The following RRAS2 variants were observed in gnomAD, a reference collection of about 807,000 sequenced individuals.
RRAS2 encodes RAS related 2.
A neutral mutation model predicts 27.6 loss-of-function variants in RRAS2; 7 were observed. That is an observed-to-expected ratio of 0.25 (90% CI 0.14 to 0.48). The LOEUF (loss-of-function observed/expected upper bound fraction) is 0.48. Ranked by LOEUF, RRAS2 falls within the 20% of genes least tolerant of loss-of-function variation. The pLI, the probability that RRAS2 is intolerant of heterozygous loss-of-function variation, is 0.99. For missense variants in RRAS2, 178 were observed against 256.2 expected (o/e 0.69, Z 2.08); for synonymous variants, 86 against 90.9 (o/e 0.95, Z 0.31).
At chr11:14,361,444 G>A (rs1249004584), upstream of RRAS2, among the ~76,000 whole-genome samples, 1 of 152,192 alleles carries the variant, frequency 6.6e-6, no homozygotes, top group Non-Finnish European at 1.5e-5. Context: ...CAGGAGGATC[G>A]CTGGAACCTG....
chr11:14,303,556 G>C (rs116378345), intron 1 of RRAS2, among the ~76,000 whole-genome samples: 2,199 of 152,252 alleles, frequency 0.014, 52 homozygotes, highest in African/African-American at 0.051. Flanking sequence ...CAGCGACAGA[G>C]AGAGACCCCC....
chr11:14,343,088 G>A (rs1269240668), intron 1 of RRAS2, among the ~76,000 whole-genome samples: 6 of 152,180 alleles, frequency 3.9e-5, no homozygotes, highest in Non-Finnish European at 2.9e-5. Context: ...CAACAGCTGT[G>A]CACCATGTAC....
intron 5 of RRAS2, among the ~76,000 whole-genome samples, chr11:14,280,681 A>G (rs1849502866): frequency 7.4e-6 from 1 of 135,174 alleles, no homozygotes. Context: ...AGCCGAGATC[A>G]CACCACTGCA....
At chr11:14,291,577 CTT>C (rs1591446853) in intron 4 of RRAS2, among the ~76,000 whole-genome samples, 1 of 152,010 alleles carries the variant, frequency 6.6e-6, no homozygotes, top group African/African-American at 2.4e-5. Context: ...ATAAAAATAA[CTT>C]ACTGCAAGCT....
chr11:14,292,008 A>C (rs2133957512), intron 4 of RRAS2, among the ~76,000 whole-genome samples: 1 of 152,352 alleles, frequency 6.6e-6, no homozygotes, highest in South Asian at 2.1e-4. Context: ...CAATATTTTA[A>C]GTAATTTTGT....
intron 4 of RRAS2, among the ~76,000 whole-genome samples, chr11:14,293,512 C>T (rs1053317982): frequency 2.0e-5 from 3 of 152,048 alleles, no homozygotes; most frequent in Admixed American, 6.5e-5. Context: ...ATAACCCCCA[C>T]GTGTCATGGG....
intron 4 of RRAS2, among the ~76,000 whole-genome samples, chr11:14,285,456 T>C (rs1334516129): frequency 1.3e-5 from 2 of 152,228 alleles, no homozygotes; most frequent in African/African-American, 4.8e-5. Flanking sequence ...TTTTACTTCA[T>C]AATGCGTTTA....
At chr11:14,319,342 TG>T (rs1554949946) in intron 1 of RRAS2, among the ~76,000 whole-genome samples, 69 of 116,438 alleles carry the variant, frequency 5.9e-4, no homozygotes, top group South Asian at 9.7e-4. Context: ...AGGTTCCCTC[TG>T]TCTTTTTTTT....
At chr11:14,281,755 T>C in intron 4 of RRAS2, 35 bp from the exon 5 acceptor site, 1 of 1,518,846 alleles carries the variant, frequency 6.6e-7, no homozygotes, top group South Asian at 1.2e-5. Context: ...TGGTACATTA[T>C]TAACAACTGG....
At chr11:14,303,502 AGAG>A (rs2133974008) in intron 1 of RRAS2, among the ~76,000 whole-genome samples, 1 of 152,338 alleles carries the variant, frequency 6.6e-6, no homozygotes, top group East Asian at 1.9e-4. Flanking sequence ...TTTGGGAGGC[AGAG>A]GCAGGAGGAC....
rs1259235366 is a variant in RRAS2 at position 14,278,060 on chromosome 11, A to G, written c.*1277T>C. 6.6e-6 allele frequency: 1 copy of G among 152,270 alleles called. No homozygotes were observed. The highest frequency in any genetic ancestry group is 1.5e-5 in the Non-Finnish European group (1 of 68,052). The allele number at this position is 152,270 out of a possible 1,614,324, so 9.4% of individuals were successfully genotyped here. Reference sequence around the variant, plus strand: ...CTTAGCATCTCAAAATCAGGAACATACTATTGAATTGCTTAAACACAATCC... The same window carrying G: ...CTTAGCATCTCAAAATCAGGAACATGCTATTGAATTGCTTAAACACAATCC... On this transcript the variant is annotated 3_prime_UTR_variant, in exon 6 of 6. Transcript: ENST00000256196.
intron 4 of RRAS2, among the ~76,000 whole-genome samples, chr11:14,288,735 A>G (rs1849730100): frequency 2.0e-5 from 3 of 152,242 alleles, no homozygotes; most frequent in African/African-American, 7.2e-5. Flanking sequence ...TCAAAAACAC[A>G]GGTAGCAGCA....
At chr11:14,321,214 C>A (rs1022965097) in intron 1 of RRAS2, among the ~76,000 whole-genome samples, 1 of 151,978 alleles carries the variant, frequency 6.6e-6, no homozygotes, top group Non-Finnish European at 1.5e-5. Context: ...AGTAAACACA[C>A]GACGCACGTC....
chr11:14,344,066 C>G lies in RRAS2; in HGVS notation c.108+14697G>C, dbSNP rs944436715. Among the ~76,000 whole-genome samples the G allele has an allele frequency of 3.9e-5, 6 of 151,908 alleles. No homozygotes were observed. The East Asian group carries it at 5.8e-4, about 15-fold the overall frequency. On this transcript the variant is annotated intron_variant, in intron 1 of 5. Transcript: ENST00000256196. ...GCTGAGGTAGAAGAATCACTTAAGCCGGGGACATCAAGGCTGCAGTGAGCC... is the reference window on the plus strand; with the variant it reads ...GCTGAGGTAGAAGAATCACTTAAGCGGGGGACATCAAGGCTGCAGTGAGCC...
At chr11:14,333,237 T>C (rs1554952143) in intron 1 of RRAS2, among the ~76,000 whole-genome samples, 1 of 152,196 alleles carries the variant, frequency 6.6e-6, no homozygotes, top group Non-Finnish European at 1.5e-5. Flanking sequence ...ACAATTCTAG[T>C]ATATCACTAT....
chr11:14,326,012 T>C (rs192947307), intron 1 of RRAS2, among the ~76,000 whole-genome samples: 31 of 152,304 alleles, frequency 2.0e-4, no homozygotes, highest in Non-Finnish European at 3.5e-4. Flanking sequence ...TTCCTTGAAT[T>C]TAAGATGTTT....
chr11:14,328,095 C>T (rs181683878), intron 1 of RRAS2, among the ~76,000 whole-genome samples: 7 of 152,108 alleles, frequency 4.6e-5, no homozygotes, highest in African/African-American at 9.7e-5. Context: ...TGGCCAGGCG[C>T]GGTGGCTCAT....
At chr11:14,295,674 A>T (rs782188693) in intron 2 of RRAS2, 94 bp downstream of exon 2, 1 of 964,250 alleles carries the variant, frequency 1.0e-6, no homozygotes. Context: ...ATCATCTAAT[A>T]TTTCAAATAT....
chr11:14,284,055 TA>T (rs1261808383), intron 4 of RRAS2, among the ~76,000 whole-genome samples: 1 of 152,242 alleles, frequency 6.6e-6, no homozygotes, highest in East Asian at 1.9e-4. Flanking sequence ...TTCATTCTCT[TA>T]TTATTTCCCT....
Sources: gnomAD v4.1 joint callset for allele counts (sites outside exome capture counted in the v4.1 genomes callset) on GRCh38, gnomAD v4.1.1 for gene constraint, MANE v1.5 for transcripts, NCBI Gene and HGNC (gene_info 2026-07-23, HGNC 2026-07-21) for gene names.